Variants in ARHGEF6 observed in about 807,000 individuals in gnomAD.
ARHGEF6 encodes rho guanine nucleotide exchange factor 6.
In ARHGEF6, 9 loss-of-function variants were observed where a neutral mutation model predicts 70.3. The observed-to-expected ratio is 0.13, with a 90% CI of 0.08 to 0.22. ARHGEF6 has a LOEUF of 0.22. Among genes scored for constraint, ARHGEF6 ranks in the 10% least tolerant of loss-of-function variants. The probability of loss-of-function intolerance (pLI) is 1.00; values close to 1 mark genes in which losing one functional copy is unlikely to be tolerated. For missense variants in ARHGEF6, 470 were observed against 563.0 expected, an observed-to-expected ratio of 0.83 and a Z score of 1.67; for synonymous variants, 201 against 207.8, an observed-to-expected ratio of 0.97 and a Z score of 0.28.
At chrX:136,774,344 T>TG (rs1301039405) in intron 2 of ARHGEF6, among the ~76,000 whole-genome samples, 39 of 108,324 alleles carry the variant, frequency 3.6e-4, no homozygotes, top group African/African-American at 1.2e-3. Flanking sequence ...TGTTTTTATT[T>TG]GAAAAAAAAA....
intron 11 of ARHGEF6, among the ~76,000 whole-genome samples, chrX:136,686,594 G>GTATATATATATATATA (rs770923374): frequency 7.0e-5 from 4 of 57,120 alleles, no homozygotes; most frequent in East Asian, 5.1e-4. Flanking sequence ...GTATGTGTGT[G>GTATATATATATATATA]TATATATATA....
intron 2 of ARHGEF6, among the ~76,000 whole-genome samples, chrX:136,777,144 G>C (rs1201023539): frequency 9.0e-6 from 1 of 111,196 alleles, no homozygotes; most frequent in Non-Finnish European, 1.9e-5. Context: ...AGAATCGCTG[G>C]AACCAGGGAG....
At chrX:136,744,077 T>C (rs902259655) in intron 4 of ARHGEF6, among the ~76,000 whole-genome samples, 1 of 111,665 alleles carries the variant, frequency 9.0e-6, no homozygotes, top group Non-Finnish European at 1.9e-5. Flanking sequence ...TCTATTTAAC[T>C]AAGCCAGATA....
At chrX:136,719,277 C>A (rs1488783035) in intron 6 of ARHGEF6, among the ~76,000 whole-genome samples, 1 of 110,990 alleles carries the variant, frequency 9.0e-6, no homozygotes, top group African/African-American at 3.3e-5. Context: ...CATTATGATC[C>A]ATAAAACCCA....
intron 21 of ARHGEF6, 54 bp from the exon 22 acceptor site, chrX:136,668,223 GCTC>G: frequency 8.5e-7 from 1 of 1,175,965 alleles, no homozygotes; most frequent in Middle Eastern, 2.4e-4. Context: ...CCTTCCAAGG[GCTC>G]CTCCTGCTCA....
At chrX:136,695,106 T>G (rs1470135315) in intron 9 of ARHGEF6, among the ~76,000 whole-genome samples, 3 of 112,250 alleles carry the variant, frequency 2.7e-5, no homozygotes, top group African/African-American at 9.7e-5. Flanking sequence ...CTAAAAAATG[T>G]TTAATGTGAA....
chrX:136,737,606 C>T, intron 5 of ARHGEF6: 1 of 563,873 alleles, frequency 1.8e-6, no homozygotes, highest in Non-Finnish European at 2.1e-6. Context: ...GTAATCCCAG[C>T]ACTTTGGAAG....
At chrX:136,736,819 A>G (rs766726320) in intron 5 of ARHGEF6, among the ~76,000 whole-genome samples, 2 of 111,602 alleles carry the variant, frequency 1.8e-5, no homozygotes, top group South Asian at 7.5e-4. Context: ...TCCAAAACTT[A>G]AAACGCCACT....
intron 2 of ARHGEF6, among the ~76,000 whole-genome samples, chrX:136,759,102 G>T (rs958545439): frequency 8.9e-6 from 1 of 111,894 alleles, no homozygotes; most frequent in Admixed American, 9.5e-5. Context: ...AATGCAAAGT[G>T]GTTATACAAA....
At chrX:136,721,691 A>G (rs2076799304) in intron 6 of ARHGEF6, among the ~76,000 whole-genome samples, 2 of 111,972 alleles carry the variant, frequency 1.8e-5, no homozygotes, top group Admixed American at 9.5e-5. Context: ...AGTAAGAAAG[A>G]TACCACATGA....
intron 14 of ARHGEF6, among the ~76,000 whole-genome samples, 177 bp downstream of exon 14, chrX:136,681,713 C>T (rs2076334679): frequency 8.9e-6 from 1 of 112,314 alleles, no homozygotes; most frequent in African/African-American, 3.2e-5. Flanking sequence ...TGAGAGGAGA[C>T]TTCTCTGTGC....
intron 6 of ARHGEF6, among the ~76,000 whole-genome samples, chrX:136,718,202 A>C (rs1221060478): frequency 2.7e-5 from 3 of 111,676 alleles, no homozygotes; most frequent in Non-Finnish European, 5.7e-5. Flanking sequence ...AATCAAAAGA[A>C]AGCTGGAGTG....
intron 12 of ARHGEF6, among the ~76,000 whole-genome samples, chrX:136,683,754 T>C (rs1480889663): frequency 2.7e-5 from 3 of 111,752 alleles, no homozygotes; most frequent in Non-Finnish European, 5.6e-5. Context: ...ATTATCCTTA[T>C]GCCTGTCTCC....
chrX:136,779,339 G>C, intron 2 of ARHGEF6, 75 bp downstream of exon 2: 1 of 943,239 alleles, frequency 1.1e-6, no homozygotes, highest in East Asian at 3.1e-5. Flanking sequence ...AAATAAACAA[G>C]TACTCTTACT....
At chrX:136,771,753 C>T (rs1304630947) in intron 2 of ARHGEF6, among the ~76,000 whole-genome samples, 1 of 111,832 alleles carries the variant, frequency 8.9e-6, no homozygotes, top group African/African-American at 3.2e-5. Flanking sequence ...TTTGGACAGG[C>T]AATAACAAAT....
At chrX:136,771,646 A>C (rs1175665649) in intron 2 of ARHGEF6, among the ~76,000 whole-genome samples, 1 of 112,436 alleles carries the variant, frequency 8.9e-6, no homozygotes, top group African/African-American at 3.2e-5. Flanking sequence ...AACAGGAAAA[A>C]AATTCTTCAA....
At chrX:136,762,061 C>A (rs1603354634) in intron 2 of ARHGEF6, among the ~76,000 whole-genome samples, 1 of 111,052 alleles carries the variant, frequency 9.0e-6, no homozygotes, top group Admixed American at 9.6e-5. Flanking sequence ...ATTACAGGCA[C>A]CCGCCATCAT....
intron 2 of ARHGEF6, among the ~76,000 whole-genome samples, chrX:136,766,832 T>C (rs1215988984): frequency 8.9e-6 from 1 of 112,588 alleles, no homozygotes; most frequent in East Asian, 2.8e-4. Context: ...ATGGTACTGT[T>C]GACTCCTGCT....
Position 136,748,507 on chromosome X carries a change from A to G in ARHGEF6, c.250-915T>C, listed in dbSNP as rs779622170. Among the ~76,000 whole-genome samples the G allele has an allele frequency of 4.4e-5, 5 of 112,493 alleles. 1 individual carries two copies. The South Asian group carries it at 1.8e-3, about 41-fold the overall frequency. On this transcript the variant is annotated intron_variant, in intron 2 of 21. Coordinates refer to ENST00000250617, the MANE Select transcript of ARHGEF6 (RefSeq NM_004840.3). ...TGAGTCTCAAATATGTATATTTGAA[A>G]TTAGAAGTGTTCTCATGCACAGGTA... is the stretch of plus-strand genomic sequence containing the variant.
Sources: allele counts gnomAD v4.1 joint callset (sites outside exome capture counted in the v4.1 genomes callset), GRCh38; gene constraint gnomAD v4.1.1; transcripts MANE v1.5; gene names NCBI Gene and HGNC (gene_info 2026-07-23, HGNC 2026-07-21).